The following IL1RAPL2 variants were observed in gnomAD, a reference collection of about 807,000 sequenced individuals.
IL1RAPL2 encodes X-linked interleukin-1 receptor accessory protein-like 2.
A neutral mutation model predicts 44.1 loss-of-function variants in IL1RAPL2; 3 were observed. The ratio of observed to expected loss-of-function variants is 0.07; its 90% CI spans 0.03 to 0.18. IL1RAPL2 has a LOEUF of 0.18. Among genes scored for constraint, IL1RAPL2 ranks in the 10% least tolerant of loss-of-function variants. The pLI, the probability that IL1RAPL2 is intolerant of heterozygous loss-of-function variation, is 1.00. For synonymous variants in IL1RAPL2, 181 were observed against 178.8 expected (o/e 1.01, Z -0.10); for missense variants, 391 against 496.4 (o/e 0.79, Z 2.02).
intron 1 of IL1RAPL2, among the ~76,000 whole-genome samples, chrX:104,641,460 C>T (rs932669213): frequency 3.6e-5 from 4 of 111,878 alleles, no homozygotes; most frequent in Admixed American, 9.4e-5. Context: ...GCGGCTGTGC[C>T]GAGTCCCTGC....
intron 7 of IL1RAPL2, 45 bp from the exon 8 acceptor site, chrX:105,740,501 C>T (rs1357184071): frequency 2.5e-6 from 3 of 1,182,198 alleles, no homozygotes; most frequent in East Asian, 3.0e-5. Context: ...GCTGCTTTCT[C>T]CCCAAATCAA....
At chrX:105,277,283 T>C (rs1450857439) in intron 5 of IL1RAPL2, among the ~76,000 whole-genome samples, 2 of 112,393 alleles carry the variant, frequency 1.8e-5, no homozygotes, top group Non-Finnish European at 3.8e-5. Flanking sequence ...ACCACAGCAG[T>C]CAATAGTTCT....
At chrX:105,262,187 C>A (rs2034365051) in intron 4 of IL1RAPL2, among the ~76,000 whole-genome samples, 1 of 111,709 alleles carries the variant, frequency 9.0e-6, no homozygotes, top group African/African-American at 3.3e-5. Flanking sequence ...TCTGATGGAT[C>A]TGAAAATGGT....
intron 2 of IL1RAPL2, among the ~76,000 whole-genome samples, chrX:104,979,058 T>C (rs2030388934): frequency 9.0e-6 from 1 of 111,238 alleles, no homozygotes; most frequent in Non-Finnish European, 1.9e-5. Context: ...AGGATAATTA[T>C]GAAAAAGTGA....
Position 104,856,071 on chromosome X carries a change from C to T in IL1RAPL2, c.82+197076C>T, listed in dbSNP as rs1356123176. 3.6e-5 allele frequency among the ~76,000 whole-genome samples: 4 copies of T among 111,050 alleles called. No homozygotes were observed. In the Admixed American group the frequency reaches 3.8e-4, roughly 11 times the overall value. On this transcript the variant is annotated intron_variant, in intron 2 of 10. Coordinates refer to ENST00000372582, the MANE Select transcript of IL1RAPL2 (RefSeq NM_017416.2). ...CACATGTTAAATATCTGATCAAGTG[C>T]CTTCCATGTAGTAAGCACTCAGCAT...
At chrX:104,880,872 A>G (rs965245627) in intron 2 of IL1RAPL2, among the ~76,000 whole-genome samples, 2 of 111,755 alleles carry the variant, frequency 1.8e-5, no homozygotes, top group Non-Finnish European at 3.8e-5. Flanking sequence ...TTTGAGTCCC[A>G]TGATTGATTT....
intron 5 of IL1RAPL2, among the ~76,000 whole-genome samples, chrX:105,401,100 T>C (rs2035603583): frequency 9.0e-6 from 1 of 111,572 alleles, no homozygotes; most frequent in African/African-American, 3.3e-5. Context: ...TCCTTTATAA[T>C]GGCGTTAATC....
intron 1 of IL1RAPL2, among the ~76,000 whole-genome samples, chrX:104,593,860 C>T (rs1928714821): frequency 8.9e-6 from 1 of 112,379 alleles, no homozygotes; most frequent in Non-Finnish European, 1.9e-5. Context: ...CTTTGAAATC[C>T]CAGCTCAGAT....
chrX:105,377,038 A>G (rs190853263), intron 5 of IL1RAPL2, among the ~76,000 whole-genome samples: 13 of 112,158 alleles, frequency 1.2e-4, no homozygotes, highest in African/African-American at 4.2e-4. Flanking sequence ...CCACACTGTC[A>G]GTCCTGCTTT....
At chrX:105,603,527 ATATCAAAAGCAAATAT>A (rs2037269759) in intron 6 of IL1RAPL2, among the ~76,000 whole-genome samples, 1 of 111,627 alleles carries the variant, frequency 9.0e-6, no homozygotes, top group Non-Finnish European at 1.9e-5. Context: ...GAGCACCCAG[ATATCAAAAGCAAATAT>A]TATTAGATAT....
intron 2 of IL1RAPL2, among the ~76,000 whole-genome samples, chrX:105,076,945 G>A (rs181552681): frequency 0.039 from 4,294 of 110,770 alleles, 231 homozygotes; most frequent in African/African-American, 0.13. Context: ...GTCTCTGCGT[G>A]TGAGATGGGG....
At chrX:105,211,406 G>A (rs2147619988) in intron 3 of IL1RAPL2, among the ~76,000 whole-genome samples, 1 of 111,444 alleles carries the variant, frequency 9.0e-6, no homozygotes, top group African/African-American at 3.3e-5. Flanking sequence ...GATTCCCTCA[G>A]GAGTAGCAAA....
chrX:104,950,780 C>T (rs1232714164), intron 2 of IL1RAPL2, among the ~76,000 whole-genome samples: 2 of 110,209 alleles, frequency 1.8e-5, no homozygotes, highest in Non-Finnish European at 1.9e-5. Context: ...AATCTCGGCT[C>T]ACTGCAGGCT....
intron 2 of IL1RAPL2, among the ~76,000 whole-genome samples, chrX:104,867,523 A>G (rs1262854321): frequency 8.9e-6 from 1 of 111,859 alleles, no homozygotes; most frequent in Non-Finnish European, 1.9e-5. Context: ...ACGGATGCTG[A>G]TGACTGTAAC....
chrX:104,682,631 G>C (rs1293512028), intron 2 of IL1RAPL2, among the ~76,000 whole-genome samples: 3 of 112,069 alleles, frequency 2.7e-5, no homozygotes, highest in African/African-American at 9.7e-5. Context: ...GCCTGAGTCA[G>C]GGCCTAATAA....
At chrX:105,501,028 G>A (rs1429307601) in intron 6 of IL1RAPL2, among the ~76,000 whole-genome samples, 1 of 111,729 alleles carries the variant, frequency 9.0e-6, no homozygotes, top group Non-Finnish European at 1.9e-5. Flanking sequence ...TGATATGTAT[G>A]TATCTCTTAC....
chrX:105,612,790 C>T (rs758810938), intron 6 of IL1RAPL2, among the ~76,000 whole-genome samples: 2 of 112,101 alleles, frequency 1.8e-5, no homozygotes, highest in South Asian at 7.5e-4. Flanking sequence ...ATGGAGGGAA[C>T]ATTTAAACCA....
chrX:105,459,511 T>A (rs2036079116), intron 5 of IL1RAPL2, among the ~76,000 whole-genome samples: 2 of 111,765 alleles, frequency 1.8e-5, no homozygotes, highest in South Asian at 7.4e-4. Flanking sequence ...TACATCTGTG[T>A]TTGGCTTTTA....
At chrX:105,704,401 C>A (rs2038145796) in intron 6 of IL1RAPL2, among the ~76,000 whole-genome samples, 1 of 111,670 alleles carries the variant, frequency 9.0e-6, no homozygotes, top group Non-Finnish European at 1.9e-5. Context: ...TGGTACCATA[C>A]ATAGGCTAAC....
Sources: allele counts gnomAD v4.1 joint callset (sites outside exome capture counted in the v4.1 genomes callset), GRCh38; gene constraint gnomAD v4.1.1; transcripts MANE v1.5; gene names NCBI Gene and HGNC (gene_info 2026-07-23, HGNC 2026-07-21).